Variants in CEP112 observed in about 807,000 individuals in gnomAD.
The protein encoded by CEP112 is centrosomal protein of 112 kDa.
A neutral mutation model predicts 153.0 loss-of-function variants in CEP112; 127 were observed. The observed-to-expected ratio is 0.83, with a 90% CI of 0.72 to 0.96. The LOEUF (loss-of-function observed/expected upper bound fraction) is 0.96. CEP112 is among the 40% of genes least tolerant of loss of function. CEP112 has a pLI of 0.00. For synonymous variants in CEP112, 358 were observed against 374.4 expected (o/e 0.96, Z 0.51); for missense variants, 1,089 against 1,101.2 (o/e 0.99, Z 0.16).
At chr17:65,770,454 T>C (rs1302470974) in intron 21 of CEP112, among the ~76,000 whole-genome samples, 1 of 152,084 alleles carries the variant, frequency 6.6e-6, no homozygotes, top group East Asian at 1.9e-4. Context: ...AGAGAATTTG[T>C]CACCAGTAGA....
At position 66,053,729 on chromosome 17, in the gene CEP112, G is replaced by C. The variant is rs368005596; in HGVS notation, c.1218+7C>G. On this transcript the variant is annotated splice_region_variant and intron_variant, in intron 12 of 26. Coordinates refer to ENST00000535342, the MANE Select transcript of CEP112 (RefSeq NM_001199165.4). The stretch of plus-strand genomic sequence containing the variant: ...CTAAGATGTCAAGAACAGGTTTAAA[G>C]ACTCACTGTGGACTGTGTTTGCGCC... 5.6e-6 allele frequency: 9 copies of C among 1,608,552 alleles called. No individual in the cohort carries two copies. The highest frequency in any genetic ancestry group is 6.8e-6 in the Non-Finnish European group (8 of 1,177,290).
intron 23 of CEP112, among the ~76,000 whole-genome samples, chr17:65,693,603 A>G (rs1202017514): frequency 6.6e-6 from 1 of 152,228 alleles, no homozygotes; most frequent in Non-Finnish European, 1.5e-5. Flanking sequence ...CAAGGCTTTA[A>G]GATGGAGTGA....
intron 24 of CEP112, among the ~76,000 whole-genome samples, chr17:65,656,562 C>G (rs1236057084): frequency 1.3e-5 from 2 of 152,226 alleles, no homozygotes; most frequent in East Asian, 3.8e-4. Flanking sequence ...TTTACTGGAA[C>G]ACAGCCATGC....
intron 20 of CEP112, among the ~76,000 whole-genome samples, chr17:65,898,477 C>A (rs2059733275): frequency 6.6e-6 from 1 of 152,038 alleles, no homozygotes; most frequent in Non-Finnish European, 1.5e-5. Flanking sequence ...AGAATTATTA[C>A]AAATTCTACA....
At chr17:66,106,015 A>G (rs2068766770) in intron 6 of CEP112, among the ~76,000 whole-genome samples, 2 of 152,150 alleles carry the variant, frequency 1.3e-5, no homozygotes, top group Non-Finnish European at 2.9e-5. Flanking sequence ...AAAACTATAC[A>G]AACACATGGA....
intron 21 of CEP112, among the ~76,000 whole-genome samples, chr17:65,815,959 G>C (rs1196910896): frequency 6.6e-6 from 1 of 151,882 alleles, no homozygotes; most frequent in East Asian, 1.9e-4. Flanking sequence ...TTTCTGATTT[G>C]TATGCCTTTT....
At chr17:65,851,620 C>A (rs1334530078) in intron 21 of CEP112, among the ~76,000 whole-genome samples, 184 bp downstream of exon 21, 1 of 152,066 alleles carries the variant, frequency 6.6e-6, no homozygotes, top group East Asian at 1.9e-4. Context: ...AGGAAATTCC[C>A]TAGATTATTT....
rs539055311 is a variant in CEP112, at chr17:65,664,561, A to G, written c.2698-23496T>C. Among the ~76,000 whole-genome samples, 3 of 152,300 alleles carry G rather than the reference A, an allele frequency of 2.0e-5. No homozygotes were observed. In the South Asian group the frequency reaches 6.2e-4, roughly 32 times the overall value. On this transcript the variant is annotated intron_variant, in intron 24 of 26. Coordinates refer to ENST00000535342, the MANE Select transcript of CEP112 (RefSeq NM_001199165.4). ...AGGTGATTAAGAGTCAAAGATGTCC[A>G]TGGGGAGAACGGAGATGATGAATAC...
intron 19 of CEP112, among the ~76,000 whole-genome samples, chr17:65,914,448 C>T (rs753558561): frequency 1.3e-5 from 2 of 151,850 alleles, no homozygotes; most frequent in African/African-American, 2.4e-5. Context: ...GTAAATTATT[C>T]ATCATTTTGA....
intron 4 of CEP112, among the ~76,000 whole-genome samples, chr17:66,173,900 T>C (rs894693169): frequency 6.6e-6 from 1 of 152,134 alleles, no homozygotes; most frequent in Non-Finnish European, 1.5e-5. Flanking sequence ...AATAATTTTA[T>C]ATGGACTGGA....
chr17:65,917,846 C>T (rs530859472), intron 19 of CEP112, among the ~76,000 whole-genome samples: 3 of 152,116 alleles, frequency 2.0e-5, no homozygotes, highest in Non-Finnish European at 2.9e-5. Flanking sequence ...TTCCTTTCCA[C>T]CATCTCCTTT....
intron 24 of CEP112, among the ~76,000 whole-genome samples, chr17:65,660,459 TCTC>T (rs1567825169): frequency 3.8e-5 from 2 of 52,430 alleles, no homozygotes; most frequent in African/African-American, 1.9e-4. Flanking sequence ...CTCTTCTCTC[TCTC>T]CTTCCTTCCT....
At chr17:65,982,276 C>T (rs1320039754) in intron 17 of CEP112, among the ~76,000 whole-genome samples, 3 of 151,996 alleles carry the variant, frequency 2.0e-5, no homozygotes, top group Non-Finnish European at 4.4e-5. Flanking sequence ...GGTAAAAATT[C>T]GTCAGAGTGC....
At chr17:65,718,329 A>T (rs938210248) in intron 23 of CEP112, among the ~76,000 whole-genome samples, 2 of 151,210 alleles carry the variant, frequency 1.3e-5, no homozygotes, top group African/African-American at 4.9e-5. Flanking sequence ...AATTGCTTGA[A>T]CCTGGGAGGT....
At chr17:65,933,111 G>A (rs1433480731) in intron 18 of CEP112, among the ~76,000 whole-genome samples, 1 of 152,020 alleles carries the variant, frequency 6.6e-6, no homozygotes, top group Non-Finnish European at 1.5e-5. Context: ...TGAGTTCAAA[G>A]ACAGGACATT....
chr17:66,034,989 TATAC>T (rs201590057), intron 12 of CEP112, among the ~76,000 whole-genome samples: 4,347 of 48,112 alleles, frequency 0.09, 183 homozygotes, highest in Middle Eastern at 0.11. Context: ...TATATATATA[TATAC>T]ATATATATAT....
At chr17:66,010,040 A>T (rs973962022) in intron 16 of CEP112, among the ~76,000 whole-genome samples, 4 of 152,108 alleles carry the variant, frequency 2.6e-5, no homozygotes. Flanking sequence ...GAATTTGTAA[A>T]TTTTTTAGGG....
rs561654354 is a variant in CEP112 at position 65,837,564 on chromosome 17, C to T, written c.2394+14240G>A. 4.1e-3 allele frequency among the ~76,000 whole-genome samples: 618 copies of T among 152,220 alleles called. 6 individuals carry two copies. Among genetic ancestry groups the T allele is most frequent in the African/African-American group, 0.014 (590 of 41,534 alleles). The stretch of plus-strand genomic sequence containing the variant: ...CCGAGAAGTGAGGAGCCCCTCTGCC[C>T]GGCTGCCGCCCCGTCTGGGAGGTGT... On this transcript the variant is annotated intron_variant, in intron 21 of 26. Coordinates refer to ENST00000535342, the MANE Select transcript of CEP112 (RefSeq NM_001199165.4).
chr17:65,900,192 G>A (rs760812426), intron 20 of CEP112, among the ~76,000 whole-genome samples: 1 of 152,054 alleles, frequency 6.6e-6, no homozygotes, highest in Non-Finnish European at 1.5e-5. Context: ...CTCTAAGAAC[G>A]ACTAAGTACA....
Sources: allele counts gnomAD v4.1 joint callset (sites outside exome capture counted in the v4.1 genomes callset), GRCh38; gene constraint gnomAD v4.1.1; transcripts MANE v1.5; gene names NCBI Gene and HGNC (gene_info 2026-07-23, HGNC 2026-07-21).